COLEC10: variants seen among roughly 807,000 people sequenced by gnomAD.
COLEC10 encodes collectin-10.
In COLEC10, 22 loss-of-function variants were observed where a neutral mutation model predicts 28.4. The ratio of observed to expected loss-of-function variants is 0.78; its 90% CI spans 0.55 to 1.11. The LOEUF is 1.11. COLEC10 is among the 50% of genes least tolerant of loss of function. The pLI is 0.00. For synonymous variants in COLEC10, 125 were observed against 116.1 expected (o/e 1.08, Z -0.49); for missense variants, 361 against 344.1 (o/e 1.05, Z -0.39).
chr8:119,030,142 C>T (rs181647515), intron 2 of COLEC10, among the ~76,000 whole-genome samples: 13 of 152,164 alleles, frequency 8.5e-5, no homozygotes, highest in Admixed American at 7.9e-4. Flanking sequence ...AGAGTAAAGC[C>T]ACGTGGTTGG....
rs762180766 is a variant in COLEC10 at position 119,077,243 on chromosome 8, A to ATTTTTTTTT, written c.148+9830_148+9838dup. Among the ~76,000 whole-genome samples the ATTTTTTTTT allele has an allele frequency of 3.4e-4, 31 of 90,284 alleles. 1 individual carries two copies. The highest frequency in any genetic ancestry group is 1.4e-3 in the East Asian group (4 of 2,772). 59.2% of individuals were successfully genotyped at this position (90,284 alleles called of 152,430 possible). Reference sequence around the variant, plus strand: ...TTTTGATTAGCCTGGGTAGAGAATGATTTTTTTTTTTTTTTTTTTTTTTTG... The same window carrying ATTTTTTTTT: ...TTTTGATTAGCCTGGGTAGAGAATGATTTTTTTTTTTTTTTTTTTTTTTTTTTTTTTTTG... On this transcript the variant is annotated intron_variant, in intron 1 of 5. Coordinates refer to ENST00000332843, the MANE Select transcript of COLEC10 (RefSeq NM_006438.5).
the COLEC10 span, among the ~76,000 whole-genome samples, chr8:118,985,766 A>G: frequency 6.6e-6 from 1 of 152,148 alleles, no homozygotes; most frequent in African/African-American, 2.4e-5. Context: ...AGAAACCTAG[A>G]GTCAAAAGCA....
At chr8:119,014,824 A>AT (rs904154029) in intron 2 of COLEC10, among the ~76,000 whole-genome samples, 14 of 150,842 alleles carry the variant, frequency 9.3e-5, no homozygotes, top group Admixed American at 4.6e-4. Flanking sequence ...TGAAACGCAG[A>AT]TTTTTTTCCC....
At chr8:118,954,148 C>T in the COLEC10 span, among the ~76,000 whole-genome samples, 25,035 of 152,162 alleles carry the variant, frequency 0.16, 2,105 homozygotes, top group African/African-American at 0.22. Context: ...GCTCTCCCTG[C>T]AAAGGAGCGA....
chr8:119,006,511 T>C (rs529121689), intron 1 of COLEC10, among the ~76,000 whole-genome samples: 1 of 152,218 alleles, frequency 6.6e-6, no homozygotes, highest in East Asian at 1.9e-4. Flanking sequence ...CTATTTTAAA[T>C]ACCATTACCA....
At chr8:119,065,915 C>G (rs1814946884), upstream of COLEC10, among the ~76,000 whole-genome samples, 1 of 151,932 alleles carries the variant, frequency 6.6e-6, no homozygotes, top group African/African-American at 2.4e-5. Flanking sequence ...CTGAATCATC[C>G]TGAAAGTATT....
chr8:119,026,366 C>A (rs1301498397), intron 2 of COLEC10, among the ~76,000 whole-genome samples: 1 of 151,800 alleles, frequency 6.6e-6, no homozygotes, highest in Non-Finnish European at 1.5e-5. Flanking sequence ...CCAGCCTGGG[C>A]AACATAGCAA....
At chr8:119,027,035 T>A (rs1436433481) in intron 2 of COLEC10, among the ~76,000 whole-genome samples, 3 of 152,162 alleles carry the variant, frequency 2.0e-5, no homozygotes, top group Admixed American at 6.5e-5. Context: ...TTGGGATGAA[T>A]GCTTGATATC....
chr8:119,089,464 G>T (rs977620288), intron 1 of COLEC10, among the ~76,000 whole-genome samples: 1 of 152,148 alleles, frequency 6.6e-6, no homozygotes, highest in Non-Finnish European at 1.5e-5. Context: ...TTCAAACATA[G>T]AGTTGGATGT....
At chr8:119,081,924 G>C (rs1815377777) in intron 1 of COLEC10, among the ~76,000 whole-genome samples, 1 of 152,148 alleles carries the variant, frequency 6.6e-6, no homozygotes, top group Non-Finnish European at 1.5e-5. Flanking sequence ...AATATTTCAA[G>C]AACAATTTAT....
intron 1 of COLEC10, among the ~76,000 whole-genome samples, chr8:118,998,311 G>T (rs1813627604): frequency 1.3e-5 from 2 of 152,064 alleles, no homozygotes; most frequent in Admixed American, 1.3e-4. Flanking sequence ...TAAACTCTAT[G>T]TATGAATTTA....
the COLEC10 span, among the ~76,000 whole-genome samples, chr8:118,975,365 T>G: frequency 6.6e-6 from 1 of 152,074 alleles, no homozygotes. Context: ...AACTTGTAAA[T>G]TCTGCTATGT....
chr8:118,999,990 A>C (rs1021213906), intron 1 of COLEC10, among the ~76,000 whole-genome samples: 2 of 152,310 alleles, frequency 1.3e-5, no homozygotes, highest in East Asian at 3.9e-4. Context: ...ATATGAAGGC[A>C]TATTTGTATG....
chr8:119,027,665 C>T (rs1237386653), intron 2 of COLEC10, among the ~76,000 whole-genome samples: 3 of 152,170 alleles, frequency 2.0e-5, no homozygotes, highest in African/African-American at 2.4e-5. Context: ...TTTTGCATTG[C>T]TCTGGGACCT....
intron 1 of COLEC10, among the ~76,000 whole-genome samples, chr8:119,074,242 T>C (rs1442436464): frequency 2.0e-5 from 3 of 152,030 alleles, no homozygotes; most frequent in Admixed American, 6.6e-5. Flanking sequence ...ACAGGGGAAC[T>C]ATAGCCAGTA....
At chr8:119,008,518 G>A (rs1813847621) in intron 1 of COLEC10, among the ~76,000 whole-genome samples, 1 of 149,030 alleles carries the variant, frequency 6.7e-6, no homozygotes, top group Non-Finnish European at 1.5e-5. Context: ...TTGTGCTTAA[G>A]GTTTGGATCC....
chr8:119,087,575 T>C (rs185505254), intron 1 of COLEC10, among the ~76,000 whole-genome samples: 1 of 152,242 alleles, frequency 6.6e-6, no homozygotes, highest in East Asian at 1.9e-4. Flanking sequence ...AAGGATACAT[T>C]TCCTGTGAAT....
chr8:119,075,230 T>C (rs1815204117), intron 1 of COLEC10, among the ~76,000 whole-genome samples: 1 of 152,228 alleles, frequency 6.6e-6, no homozygotes, highest in African/African-American at 2.4e-5. Flanking sequence ...AAAATTCTAC[T>C]TGTAGAAACT....
At chr8:118,998,022 C>G (rs1485306) in intron 1 of COLEC10, among the ~76,000 whole-genome samples, 29,935 of 152,004 alleles carry the variant, frequency 0.2, 3,092 homozygotes, top group East Asian at 0.33. Context: ...AACATATGAT[C>G]AATCAAGACC....
Sources: gnomAD v4.1 joint callset for allele counts (sites outside exome capture counted in the v4.1 genomes callset) on GRCh38, gnomAD v4.1.1 for gene constraint, MANE v1.5 for transcripts, NCBI Gene and HGNC (gene_info 2026-07-23, HGNC 2026-07-21) for gene names.